Variants in NCOA2 observed in about 807,000 individuals in gnomAD.
NCOA2 encodes nuclear receptor coactivator 2, also known as class E basic helix-loop-helix protein 75.
Under a neutral mutation model 145.1 loss-of-function variants are expected in NCOA2, and 21 were observed. That is an observed-to-expected ratio of 0.14 (90% CI 0.10 to 0.21). The LOEUF (loss-of-function observed/expected upper bound fraction) is 0.21, where lower values mean the gene tolerates loss of function less well. Among genes scored for constraint, NCOA2 ranks in the 10% least tolerant of loss-of-function variants. NCOA2 has a pLI of 1.00. For synonymous variants in NCOA2, 619 were observed against 637.5 expected (o/e 0.97, Z 0.44); for missense variants, 1,472 against 1,837.6 (o/e 0.80, Z 3.64).
chr8:70,432,064 T>G, the NCOA2 span, among the ~76,000 whole-genome samples: 2 of 152,218 alleles, frequency 1.3e-5, no homozygotes, highest in Non-Finnish European at 1.5e-5. Context: ...AGTAAACCAG[T>G]GGTTGATAAC....
At chr8:70,351,206 G>A (rs950971542) in intron 1 of NCOA2, among the ~76,000 whole-genome samples, 2 of 152,058 alleles carry the variant, frequency 1.3e-5, no homozygotes, top group Non-Finnish European at 2.9e-5. Context: ...TTTTAGAGAG[G>A]GCATTGAAAC....
intron 2 of NCOA2, among the ~76,000 whole-genome samples, chr8:70,274,216 A>T (rs970436408): frequency 6.6e-6 from 1 of 152,120 alleles, no homozygotes; most frequent in Non-Finnish European, 1.5e-5. Context: ...AAAAAAAAAA[A>T]AAAAAACCTT....
chr8:70,149,864 C>T (rs1164638034), intron 11 of NCOA2, among the ~76,000 whole-genome samples: 3 of 151,868 alleles, frequency 2.0e-5, no homozygotes, highest in Non-Finnish European at 2.9e-5. Flanking sequence ...CACAACTATT[C>T]CTTTCATCTA....
At chr8:70,349,580 C>T (rs1486584327) in intron 1 of NCOA2, among the ~76,000 whole-genome samples, 1 of 152,016 alleles carries the variant, frequency 6.6e-6, no homozygotes, top group African/African-American at 2.4e-5. Flanking sequence ...GTATTGATAA[C>T]CCCACTATAC....
intron 2 of NCOA2, among the ~76,000 whole-genome samples, chr8:70,268,486 T>G (rs1244059162): frequency 6.6e-6 from 1 of 152,212 alleles, no homozygotes; most frequent in Non-Finnish European, 1.5e-5. Flanking sequence ...TTTGACTATT[T>G]TTATTTGACT....
the NCOA2 span, among the ~76,000 whole-genome samples, chr8:70,450,011 T>A: frequency 6.6e-6 from 1 of 152,100 alleles, no homozygotes; most frequent in South Asian, 2.1e-4. Flanking sequence ...ATACCTTTTT[T>A]TTATTTTTAG....
At chr8:70,385,205 T>C (rs1011061875) in intron 1 of NCOA2, among the ~76,000 whole-genome samples, 1 of 152,228 alleles carries the variant, frequency 6.6e-6, no homozygotes, top group Non-Finnish European at 1.5e-5. Context: ...CTCTGAATTA[T>C]AATACCAAAT....
intron 4 of NCOA2, among the ~76,000 whole-genome samples, chr8:70,191,026 T>C (rs146484226): frequency 5.3e-5 from 8 of 152,180 alleles, no homozygotes; most frequent in African/African-American, 1.9e-4. Context: ...GGTAGGTACA[T>C]GACTTTGACA....
intron 1 of NCOA2, among the ~76,000 whole-genome samples, chr8:70,303,746 G>A (rs981950476): frequency 2.6e-5 from 4 of 152,030 alleles, no homozygotes; most frequent in African/African-American, 9.7e-5. Flanking sequence ...GCTTTTATTA[G>A]GGTGCTTTGC....
chr8:70,428,268 CAT>C, the NCOA2 span, among the ~76,000 whole-genome samples: 1 of 149,196 alleles, frequency 6.7e-6, no homozygotes. Flanking sequence ...AGCCAGGAAA[CAT>C]AGGGAGAACC....
intron 1 of NCOA2, among the ~76,000 whole-genome samples, chr8:70,395,904 C>G (rs1465443393): frequency 6.6e-6 from 1 of 152,174 alleles, no homozygotes; most frequent in Non-Finnish European, 1.5e-5. Flanking sequence ...TCGATGACAA[C>G]AGGTCTTCAG....
At chr8:70,155,369 G>C (rs932691905) in intron 11 of NCOA2, among the ~76,000 whole-genome samples, 6 of 152,176 alleles carry the variant, frequency 3.9e-5, no homozygotes, top group African/African-American at 1.2e-4. Context: ...ATCTTAAAAA[G>C]AGAGAAAGGT....
At chr8:70,237,847 G>A (rs1358985216) in intron 2 of NCOA2, among the ~76,000 whole-genome samples, 1 of 148,872 alleles carries the variant, frequency 6.7e-6, no homozygotes, top group Non-Finnish European at 1.5e-5. Context: ...ACTACTCCAA[G>A]AACACACACA....
chr8:70,271,426 T>C lies in NCOA2; in HGVS notation c.-20+25318A>G, dbSNP rs939248552. On this transcript the variant is annotated intron_variant, in intron 2 of 22. Coordinates refer to ENST00000452400, the MANE Select transcript of NCOA2 (RefSeq NM_006540.4). Reference sequence around the variant, plus strand: ...AAGACTGTGTAATAAGCAGTCATTATGCTCTTTTGTAATCTCTAATGGGAA... The same window carrying C: ...AAGACTGTGTAATAAGCAGTCATTACGCTCTTTTGTAATCTCTAATGGGAA... Among the ~76,000 whole-genome samples the C allele has an allele frequency of 2.0e-5, 3 of 152,256 alleles. No individual in the cohort carries two copies. In the East Asian group the frequency reaches 5.8e-4, roughly 29 times the overall value.
intron 19 of NCOA2, chr8:70,126,526 C>T: frequency 4.6e-6 from 2 of 436,902 alleles, no homozygotes; most frequent in Non-Finnish European, 8.3e-6. Context: ...CGCTCGCACA[C>T]AAGATAGACA....
chr8:70,256,069 T>A (rs970458046), intron 2 of NCOA2, among the ~76,000 whole-genome samples: 2 of 152,218 alleles, frequency 1.3e-5, no homozygotes, highest in Non-Finnish European at 2.9e-5. Context: ...CTTGACAGAA[T>A]TAACGAACTG....
the NCOA2 span, among the ~76,000 whole-genome samples, chr8:70,454,752 G>A: frequency 6.6e-6 from 1 of 152,176 alleles, no homozygotes. Flanking sequence ...TCCTCATTCT[G>A]CAGTGATGTG....
intron 11 of NCOA2, among the ~76,000 whole-genome samples, chr8:70,152,847 A>G (rs570550894): frequency 3.3e-5 from 5 of 152,344 alleles, no homozygotes; most frequent in African/African-American, 7.2e-5. Flanking sequence ...CTGAATCAAA[A>G]TAACAAGACA....
chr8:70,148,431 C>T lies in NCOA2; in HGVS notation c.2447G>A (p.Ser816Asn). The T allele has an allele frequency of 6.2e-7, 1 of 1,613,832 alleles. No individual in the cohort carries two copies. Among genetic ancestry groups the T allele is most frequent in the Non-Finnish European group, 8.5e-7 (1 of 1,179,892 alleles). The change falls in exon 12 of 23, where the codon AGT (serine) becomes AAT (asparagine). Residue 816 changes from serine to asparagine, a missense_variant. Physicochemically the swap from Ser to Asn is conservative, Grantham distance 46 (BLOSUM62 1). Transcript: ENST00000452400. ...GTCTGGGAAAAGCTGTGGTAATTGA[C>T]TATTCTGCAAATCATCCAAAATCTC... ...LEEILDDLQN[S>N]QLPQLFPDTR...
Sources: allele counts gnomAD v4.1 joint callset (sites outside exome capture counted in the v4.1 genomes callset), GRCh38; gene constraint gnomAD v4.1.1; transcripts MANE v1.5; gene names NCBI Gene and HGNC (gene_info 2026-07-23, HGNC 2026-07-21).